C10orf90: variants seen among roughly 807,000 people sequenced by gnomAD.
The protein encoded by C10orf90 is chromosome 10 open reading frame 90, also known as (E2-independent) E3 ubiquitin-conjugating enzyme FATS.
Under a neutral mutation model 62.5 loss-of-function variants are expected in C10orf90, and 56 were observed. The ratio of observed to expected loss-of-function variants is 0.90; its 90% CI spans 0.72 to 1.12. The LOEUF is 1.12. C10orf90 is among the 50% of genes most tolerant of loss of function. The pLI is 0.00. For synonymous variants in C10orf90, 386 were observed against 340.4 expected (o/e 1.13, Z -1.47); for missense variants, 970 against 880.4 (o/e 1.10, Z -1.29).
chr10:126,594,453 T>A (rs1328854111), intron 2 of C10orf90, among the ~76,000 whole-genome samples: 2 of 152,186 alleles, frequency 1.3e-5, no homozygotes, highest in Non-Finnish European at 2.9e-5. Context: ...GTGACTCACT[T>A]GCAGCAGTCA....
At chr10:126,467,708 A>G (rs929482504) in intron 4 of C10orf90, among the ~76,000 whole-genome samples, 2 of 152,216 alleles carry the variant, frequency 1.3e-5, no homozygotes, top group East Asian at 1.9e-4. Context: ...GCCGTAGCGC[A>G]ATAATCTCAC....
intron 7 of C10orf90, among the ~76,000 whole-genome samples, chr10:126,431,542 G>A (rs1857567888): frequency 6.6e-6 from 1 of 152,186 alleles, no homozygotes; most frequent in Non-Finnish European, 1.5e-5. Flanking sequence ...CATCAGTCAG[G>A]CCCTTGCTCA....
In C10orf90 at chr10:126,517,731, G is replaced by A. The variant is rs188727040; in HGVS notation, c.314-3792C>T. 4.7e-4 allele frequency among the ~76,000 whole-genome samples: 71 copies of A among 152,130 alleles called. 2 individuals are homozygous for A. The highest frequency in any genetic ancestry group is 1.0e-3 in the Admixed American group (16 of 15,274). On this transcript the variant is annotated intron_variant, in intron 2 of 9. Transcript: ENST00000488181. ...TCGAGACCATCCTGGCCAACATGGC[G>A]AAACCCCGTCTCTACTAAAAATACA... is the stretch of plus-strand genomic sequence containing the variant.
chr10:126,449,190 T>C lies in C10orf90; in HGVS notation c.2188+9850A>G, dbSNP rs540701314. Among the ~76,000 whole-genome samples the C allele has an allele frequency of 3.9e-5, 6 of 152,310 alleles. No homozygotes were observed. The East Asian group carries it at 7.7e-4, about 20-fold the overall frequency. ...AGCAAATTAAAAGACTTATTCACCA[T>C]GATCAAGTAGGATTTATGCCTGGGA... is the stretch of plus-strand genomic sequence containing the variant. On this transcript the variant is annotated intron_variant, in intron 7 of 9. Coordinates refer to ENST00000488181, the MANE Select transcript of C10orf90 (RefSeq NM_001350921.2).
At chr10:126,549,961 T>G (rs113785108) in intron 2 of C10orf90, among the ~76,000 whole-genome samples, 2 of 71,044 alleles carry the variant, frequency 2.8e-5, no homozygotes, top group Non-Finnish European at 6.3e-5. Context: ...AGCTTTCTTT[T>G]TTTTTTTTTT....
At chr10:126,654,642 T>G (rs771133729) in intron 1 of C10orf90, among the ~76,000 whole-genome samples, 3 of 152,204 alleles carry the variant, frequency 2.0e-5, no homozygotes, top group African/African-American at 4.8e-5. Context: ...CCTTCAAGAA[T>G]TTTTCCTTTG....
intron 2 of C10orf90, among the ~76,000 whole-genome samples, chr10:126,548,008 C>G (rs1431768908): frequency 6.6e-6 from 1 of 151,802 alleles, no homozygotes; most frequent in African/African-American, 2.4e-5. Context: ...TGAAAAGAGA[C>G]CAAAACCTAC....
At chr10:126,519,901 G>A (rs1292460131) in intron 2 of C10orf90, among the ~76,000 whole-genome samples, 1 of 152,118 alleles carries the variant, frequency 6.6e-6, no homozygotes, top group Non-Finnish European at 1.5e-5. Context: ...TCCCCTCCGT[G>A]AGCACCGCCT....
chr10:126,445,052 A>C (rs1355233343), intron 7 of C10orf90, among the ~76,000 whole-genome samples: 4 of 152,220 alleles, frequency 2.6e-5, no homozygotes, highest in Non-Finnish European at 4.4e-5. Flanking sequence ...TAAGACCTGA[A>C]ACTGTAAATA....
chr10:126,593,668 C>T (rs962062752), intron 2 of C10orf90, among the ~76,000 whole-genome samples: 1 of 152,012 alleles, frequency 6.6e-6, no homozygotes, highest in Non-Finnish European at 1.5e-5. Context: ...ACGTAACAAA[C>T]CTGCACATGT....
At chr10:126,586,627 T>C (rs1055179331) in intron 2 of C10orf90, among the ~76,000 whole-genome samples, 1 of 152,134 alleles carries the variant, frequency 6.6e-6, no homozygotes, top group African/African-American at 2.4e-5. Context: ...ACGGAACATT[T>C]TCTTAATTGG....
chr10:126,665,287 C>T (rs1393510241), intron 1 of C10orf90, among the ~76,000 whole-genome samples: 1 of 152,172 alleles, frequency 6.6e-6, no homozygotes, highest in Non-Finnish European at 1.5e-5. Flanking sequence ...AAGCTTTGAT[C>T]TGGCTAAGCT....
intron 7 of C10orf90, among the ~76,000 whole-genome samples, chr10:126,448,017 CTTTTTTTTTTTTTTTT>C (rs1186409126): frequency 1.3e-5 from 1 of 79,202 alleles, no homozygotes; most frequent in South Asian, 5.9e-4. Context: ...ATGCCTGGCT[CTTTTTTTTTTTTTTTT>C]TTTTTTTTTT....
chr10:126,484,792 T>G (rs1861340682), intron 4 of C10orf90, among the ~76,000 whole-genome samples: 1 of 152,072 alleles, frequency 6.6e-6, no homozygotes, highest in African/African-American at 2.4e-5. Context: ...TTTATAATGG[T>G]GAAAAAATAG....
chr10:126,638,745 T>C (rs1056753353), intron 2 of C10orf90, among the ~76,000 whole-genome samples: 10 of 152,132 alleles, frequency 6.6e-5, no homozygotes, highest in African/African-American at 2.4e-4. Flanking sequence ...GAAACCAAAG[T>C]CACCCCGCCC....
intron 2 of C10orf90, among the ~76,000 whole-genome samples, chr10:126,586,634 T>C (rs1156816881): frequency 6.6e-6 from 1 of 152,114 alleles, no homozygotes; most frequent in Non-Finnish European, 1.5e-5. Flanking sequence ...ATTTTCTTAA[T>C]TGGGTCCCTT....
chr10:126,560,328 T>C (rs550019001), intron 2 of C10orf90, among the ~76,000 whole-genome samples: 7 of 152,326 alleles, frequency 4.6e-5, no homozygotes, highest in African/African-American at 1.7e-4. Context: ...ATTTTCCACT[T>C]TACTTCATTG....
Position 126,456,425 on chromosome 10 carries a change from A to C in C10orf90, c.2188+2615T>G. Among the ~76,000 whole-genome samples the C allele has an allele frequency of 6.6e-6, 1 of 152,210 alleles. No homozygotes were observed. The highest frequency in any genetic ancestry group is 6.5e-5 in the Admixed American group (1 of 15,284). On this transcript the variant is annotated intron_variant, in intron 7 of 9. Transcript: ENST00000488181. The surrounding 1 kb of genome is among the most constrained non-coding windows in gnomAD (Gnocchi z 4.9). ...AGGACTGTCTTGGAATGTGGGGAGT[A>C]AAAGGTACTCAGTTAACATTCTGAA...
At position 126,434,109 on chromosome 10, in the gene C10orf90, T is replaced by C. The variant is rs555173667; in HGVS notation, c.2189-4259A>G. ...GGTAAGGCCAGACTTCCTCAAGCCC[T>C]TGCCTGTGTCAAAGTCAGCAAACAA... On this transcript the variant is annotated intron_variant, in intron 7 of 9. Coordinates refer to ENST00000488181, the MANE Select transcript of C10orf90 (RefSeq NM_001350921.2). Among the ~76,000 whole-genome samples the C allele has an allele frequency of 2.6e-5, 4 of 152,366 alleles. No homozygotes were observed. In the South Asian group the frequency reaches 8.3e-4, roughly 32 times the overall value.
Sources: gnomAD v4.1 joint callset for allele counts (sites outside exome capture counted in the v4.1 genomes callset) on GRCh38, gnomAD v4.1.1 for gene constraint, Gnocchi (gnomAD v3.1) non-coding constraint, MANE v1.5 for transcripts, NCBI Gene and HGNC (gene_info 2026-07-23, HGNC 2026-07-21) for gene names.